Variants in DSC2 observed in about 807,000 individuals in gnomAD.
DSC2 encodes desmocollin-2.
A neutral mutation model predicts 87.6 loss-of-function variants in DSC2; 51 were observed. The ratio of observed to expected loss-of-function variants is 0.58; its 90% CI spans 0.46 to 0.74. The LOEUF is 0.74. DSC2 is among the 30% of genes least tolerant of loss of function. DSC2 has a pLI of 0.00. For missense variants in DSC2, 1,066 were observed against 1,089.5 expected, an observed-to-expected ratio of 0.98 and a Z score of 0.30; for synonymous variants, 383 against 393.2, an observed-to-expected ratio of 0.97 and a Z score of 0.31.
chr18:31,097,901 T>C (rs1343718278), intron 1 of DSC2, among the ~76,000 whole-genome samples: 2 of 150,686 alleles, frequency 1.3e-5, no homozygotes, highest in African/African-American at 2.5e-5. Flanking sequence ...TTTTTATTCA[T>C]ATTTTATTAT....
In DSC2 at chr18:31,064,417, C is replaced by T. The variant is rs1364905285; in HGVS notation, c.*3598G>A. ...GGGAAGGCATCAAATGACTACAGTA[C>T]AAACAAAGTATTTAATGAATGAAAT... On this transcript the variant is annotated 3_prime_UTR_variant, in exon 16 of 16. Coordinates refer to ENST00000280904, the MANE Select transcript of DSC2 (RefSeq NM_024422.6). 6.6e-6 allele frequency: 1 copy of T among 152,052 alleles called. No individual in the cohort carries two copies. The highest frequency in any genetic ancestry group is 1.5e-5 in the Non-Finnish European group (1 of 68,004). The allele number at this position is 152,052 out of a possible 1,614,324, so 9.4% of individuals were successfully genotyped here. A position where few individuals can be genotyped will look rare whatever the true frequency, so the allele number is the denominator to read the frequency against.
At position 31,102,075 on chromosome 18, in the gene DSC2, G is replaced by T; in HGVS notation, c.-104C>A. On this transcript the variant is annotated 5_prime_UTR_variant, in exon 1 of 16. Coordinates refer to ENST00000280904, the MANE Select transcript of DSC2 (RefSeq NM_024422.6). Reference sequence around the variant, plus strand: ...AGCGCAGTCTGGGCCCGCTGCTCAGGAGGAGCGCGAGGCGGAGGAGGTGGG... The same window carrying T: ...AGCGCAGTCTGGGCCCGCTGCTCAGTAGGAGCGCGAGGCGGAGGAGGTGGG... The T allele has an allele frequency of 9.9e-7, 1 of 1,005,476 alleles. No individual in the cohort carries two copies. The highest frequency in any genetic ancestry group is 1.3e-6 in the Non-Finnish European group (1 of 745,326). 62.3% of individuals were successfully genotyped at this position (1,005,476 alleles called of 1,614,324 possible).
intron 9 of DSC2, among the ~76,000 whole-genome samples, chr18:31,080,770 T>G (rs1433823566): frequency 6.6e-6 from 1 of 152,226 alleles, no homozygotes; most frequent in Non-Finnish European, 1.5e-5. Flanking sequence ...TCATGCCTCC[T>G]ACACAGCCTG....
intron 1 of DSC2, among the ~76,000 whole-genome samples, chr18:31,096,363 G>A (rs1451910034): frequency 2.6e-5 from 4 of 152,178 alleles, no homozygotes; most frequent in African/African-American, 9.7e-5. Flanking sequence ...AACAACTTCT[G>A]ATCTGCAAAG....
rs1415605285 is a variant in DSC2 at position 31,102,240 on chromosome 18, A to C, written c.-269T>G. ...CCTCCTTGTTGTCTATTTAAGACTT[A>C]AGACTTCATTTCTCTAAGAAAGCCA... is the stretch of plus-strand genomic sequence containing the variant. On this transcript the variant is annotated 5_prime_UTR_variant, in exon 1 of 16. It removes the in-frame stop codon of an upstream open reading frame in the 5' UTR. Coordinates refer to ENST00000280904, the MANE Select transcript of DSC2 (RefSeq NM_024422.6). 1 of 385,410 alleles carries C rather than the reference A, an allele frequency of 2.6e-6. No individual in the cohort carries two copies. Among genetic ancestry groups the C allele is most frequent in the Non-Finnish European group, 4.6e-6 (1 of 218,698 alleles). The allele number at this position is 385,410 out of a possible 1,614,324, so 23.9% of individuals were successfully genotyped here.
At chr18:31,101,273 C>T (rs2144870838) in intron 1 of DSC2, 1 of 984,732 alleles carries the variant, frequency 1.0e-6, no homozygotes, top group East Asian at 1.1e-4. Context: ...GATCCCCTCC[C>T]CCACCCGCCA....
In DSC2 at chr18:31,092,154, TG is replaced by T; in HGVS notation, c.300del (p.Asn100LysfsTer21). On this transcript the variant is annotated frameshift_variant, in exon 3 of 16. Coordinates refer to ENST00000280904, the MANE Select transcript of DSC2 (RefSeq NM_024422.6). LOFTEE classifies it high-confidence loss of function. Reference sequence around the variant, plus strand: ...ATTTTCTTCTTTTCTTGGTTCTCAGTGTTGGAAAGTAATATGGTAAAACTTC... The same window carrying T: ...ATTTTCTTCTTTTCTTGGTTCTCAGTTTGGAAAGTAATATGGTAAAACTTC... The part of the protein sequence containing the change: ...EKRSFTILLS[N>X]TENQEKKKIF... 6.2e-7 allele frequency: 1 copy of T among 1,613,466 alleles called. No homozygotes were observed. The highest frequency in any genetic ancestry group is 1.1e-5 in the South Asian group (1 of 91,052).
Position 31,069,054 on chromosome 18 carries a change from G to A in DSC2, c.2348C>T (p.Thr783Ile). 6.2e-7 allele frequency: 1 copy of A among 1,614,068 alleles called. No individual in the cohort carries two copies. Among genetic ancestry groups the A allele is most frequent in the Non-Finnish European group, 8.5e-7 (1 of 1,180,008 alleles). The part of the protein sequence containing the change: ...GSGIKNGGQE[T>I]IEMVKGGHQT... Reference sequence around the variant, plus strand: ...GTGTCCTCCTTTCACCATTTCGATGGTCTCCTGACCTCCGTTTTTGATTCC... The same window carrying A: ...GTGTCCTCCTTTCACCATTTCGATGATCTCCTGACCTCCGTTTTTGATTCC... Residue 783 changes from threonine (T) to isoleucine (I), a missense_variant, in exon 15 of 16, where the codon ACC becomes ATC. Transcript: ENST00000280904.
chr18:31,069,629 C>T (rs1028319699), intron 14 of DSC2, among the ~76,000 whole-genome samples: 3 of 151,438 alleles, frequency 2.0e-5, no homozygotes, highest in African/African-American at 4.9e-5. Context: ...GCACAGGAAT[C>T]GCTTGAACCT....
In DSC2 at chr18:31,065,757, A is replaced by G. The variant is rs1015338071; in HGVS notation, c.*2258T>C. ...AAGCAGATGTTCTGCTTTTCATCCA[A>G]TTTGAACCTTACAGTTTCACAGTGT... On this transcript the variant is annotated 3_prime_UTR_variant, in exon 16 of 16. Transcript: ENST00000280904. 1.3e-5 allele frequency: 2 copies of G among 152,182 alleles called. No individual in the cohort carries two copies. The highest frequency in any genetic ancestry group is 1.5e-5 in the Non-Finnish European group (1 of 68,032). 9.4% of individuals were successfully genotyped at this position (152,182 alleles called of 1,614,324 possible).
chr18:31,063,330 CA>C lies in DSC2; in HGVS notation c.*4684del, dbSNP rs11365224. The C allele has an allele frequency of 0.23, 18,908 of 81,104 alleles. 1,083 individuals carry two copies. The highest frequency in any genetic ancestry group is 0.35 in the Middle Eastern group (45 of 128). The allele number at this position is 81,104 out of a possible 1,614,324, so 5.0% of individuals were successfully genotyped here. ...TAGGTGACAGAGTGAGATTCCGTCT[CA>C]AAAAAAAAAAAAAAAAAATTAATGG... On this transcript the variant is annotated 3_prime_UTR_variant, in exon 16 of 16. Coordinates refer to ENST00000280904, the MANE Select transcript of DSC2 (RefSeq NM_024422.6).
At chr18:31,100,950 C>A (rs1017948311) in intron 1 of DSC2, among the ~76,000 whole-genome samples, 2 of 152,138 alleles carry the variant, frequency 1.3e-5, no homozygotes, top group Non-Finnish European at 2.9e-5. Context: ...GAGATCCCAT[C>A]GGTCAAGCCT....
chr18:31,077,187 T>A (rs1987050370), intron 11 of DSC2, among the ~76,000 whole-genome samples: 1 of 152,216 alleles, frequency 6.6e-6, no homozygotes, highest in South Asian at 2.1e-4. Context: ...AAAAAGAGTA[T>A]TTACATTAGA....
Position 31,101,205 on chromosome 18 carries a change from CTG to C in DSC2, c.69+696_69+697del, listed in dbSNP as rs538839907. 295 of 985,328 alleles carry C rather than the reference CTG, an allele frequency of 3.0e-4. 1 individual carries two copies. In the African/African-American group the frequency reaches 4.8e-3, roughly 16 times the overall value. 61.0% of individuals were successfully genotyped at this position (985,328 alleles called of 1,614,324 possible). Reference sequence around the variant, plus strand: ...CTCGCACGTTAAGAAACCACTGAAACTGTACAAATGCTCACCTAGGGCTCGCC... The same window carrying C: ...CTCGCACGTTAAGAAACCACTGAAACTACAAATGCTCACCTAGGGCTCGCC... On this transcript the variant is annotated intron_variant, in intron 1 of 15. Coordinates refer to ENST00000280904, the MANE Select transcript of DSC2 (RefSeq NM_024422.6).
At position 31,093,597 on chromosome 18, in the gene DSC2, A is replaced by C; in HGVS notation, c.116T>G (p.Val39Gly). ...TTTCTCGGCATCTAGTTTGGAGGGA[A>C]CATGTAATGTCACATTTTTGCAGGC... ...SDACKNVTLHVPSKLDAEKLV... is the reference protein window; with the variant it reads ...SDACKNVTLHGPSKLDAEKLV... The change falls in exon 2 of 16, where the codon GTT becomes GGT. Residue 39 changes from valine (V) to glycine (G), a missense_variant. Transcript: ENST00000280904. 1 of 1,605,122 alleles carries C rather than the reference A, an allele frequency of 6.2e-7. No homozygotes were observed. Among genetic ancestry groups the C allele is most frequent in the East Asian group, 2.2e-5 (1 of 44,542 alleles).
chr18:31,089,520 C>A lies in DSC2; in HGVS notation c.549G>T (p.Arg183=), dbSNP rs774025474. Reference sequence around the variant, plus strand: ...TGTCTCTCTCCACATAAAATAAATTCCGAGGTTCTTGGTCAACTCCAGGAC... The same window carrying A: ...TGTCTCTCTCCACATAAAATAAATTACGAGGTTCTTGGTCAACTCCAGGAC... ...IRGPGVDQEP[R]NLFYVERDTG... Residue 183 remains arginine (R), a synonymous_variant, in exon 5 of 16, where the codon CGG becomes CGT. Coordinates refer to ENST00000280904, the MANE Select transcript of DSC2 (RefSeq NM_024422.6). 1 of 1,613,954 alleles carries A rather than the reference C, an allele frequency of 6.2e-7. No homozygotes were observed. The highest frequency in any genetic ancestry group is 8.5e-7 in the Non-Finnish European group (1 of 1,179,956).
intron 11 of DSC2, among the ~76,000 whole-genome samples, chr18:31,075,856 G>GA (rs1256255701): frequency 1.3e-5 from 2 of 150,634 alleles, no homozygotes; most frequent in African/African-American, 2.4e-5. Context: ...ATCTCAAAAC[G>GA]AAAAAAAGAA....
rs538111113 is a variant in DSC2 at position 31,093,361 on chromosome 18, G to A, written c.154+198C>T. Among the ~76,000 whole-genome samples the A allele has an allele frequency of 5.5e-3, 833 of 152,234 alleles. 6 individuals carry two copies. The highest frequency in any genetic ancestry group is 0.018 in the African/African-American group (766 of 41,534). On this transcript the variant is annotated intron_variant, in intron 2 of 15. Transcript: ENST00000280904. ...TGTGCCTACATGTTCACATTGCTCAGCTCCCACTTATAAGTGAGAACATGC... is the reference window on the plus strand; with the variant it reads ...TGTGCCTACATGTTCACATTGCTCAACTCCCACTTATAAGTGAGAACATGC...
intron 13 of DSC2, 32 bp from the exon 14 acceptor site, chr18:31,070,882 T>G (rs1412900277): frequency 6.2e-7 from 1 of 1,610,560 alleles, no homozygotes; most frequent in African/African-American, 1.3e-5. Flanking sequence ...CTTGAGTTTA[T>G]CATAAAATAA....
Sources: gnomAD v4.1 joint callset for allele counts (sites outside exome capture counted in the v4.1 genomes callset) on GRCh38, gnomAD v4.1.1 for gene constraint, MANE v1.5 for transcripts, NCBI Gene and HGNC (gene_info 2026-07-23, HGNC 2026-07-21) for gene names.